Variants in SORCS3 observed in about 807,000 individuals in gnomAD.
SORCS3 encodes the protein VPS10 domain-containing receptor SorCS3.
In SORCS3, 57 loss-of-function variants were observed where a neutral mutation model predicts 146.3. That is an observed-to-expected ratio of 0.39 (90% confidence interval 0.31 to 0.49). SORCS3 has a LOEUF of 0.49. Among genes scored for constraint, SORCS3 ranks in the 20% least tolerant of loss-of-function variants. The probability of loss-of-function intolerance (pLI) is 0.92; values close to 1 mark genes in which losing one functional copy is unlikely to be tolerated. For synonymous variants in SORCS3, 653 were observed against 618.5 expected, an observed-to-expected ratio of 1.06 and a Z score of -0.83; for missense variants, 1,341 against 1,575.5, an observed-to-expected ratio of 0.85 and a Z score of 2.52.
intron 2 of SORCS3, among the ~76,000 whole-genome samples, chr10:104,908,100 A>G (rs934272884): frequency 6.6e-6 from 1 of 152,254 alleles, no homozygotes; most frequent in Admixed American, 6.5e-5. Flanking sequence ...ACCACACACC[A>G]GAGCACCTAA....
At chr10:104,911,947 A>G (rs756400858) in intron 2 of SORCS3, among the ~76,000 whole-genome samples, 3 of 152,244 alleles carry the variant, frequency 2.0e-5, no homozygotes, top group Non-Finnish European at 4.4e-5. Flanking sequence ...GAAACTTGTT[A>G]GATTAGTAAC....
intron 5 of SORCS3, among the ~76,000 whole-genome samples, chr10:105,085,288 G>A (rs996258477): frequency 1.1e-4 from 16 of 152,230 alleles, no homozygotes; most frequent in African/African-American, 3.4e-4. Flanking sequence ...GGTGGGCGGC[G>A]GCTTCCCTCT....
intron 18 of SORCS3, 41 bp downstream of exon 18, chr10:105,214,654 C>A: frequency 6.7e-7 from 1 of 1,498,196 alleles, no homozygotes; most frequent in Non-Finnish European, 9.0e-7. Context: ...AACTCCCAAC[C>A]AGACCATTCC....
At chr10:105,242,284 GTTTATATATATATTTATACATATA>G (rs1344541614) in intron 20 of SORCS3, among the ~76,000 whole-genome samples, 121 of 117,766 alleles carry the variant, frequency 1.0e-3, no homozygotes, top group East Asian at 2.7e-3. Flanking sequence ...TTATACATAT[GTTTATATATATATTTATACATATA>G]TTTATATATA....
At chr10:105,185,920 T>C (rs1486731828) in intron 14 of SORCS3, among the ~76,000 whole-genome samples, 6 of 152,330 alleles carry the variant, frequency 3.9e-5, no homozygotes, top group East Asian at 1.9e-4. Context: ...CATGATTTTT[T>C]CTCTCAATAT....
chr10:104,882,447 G>C (rs931463080), intron 2 of SORCS3, among the ~76,000 whole-genome samples: 3 of 152,198 alleles, frequency 2.0e-5, no homozygotes, highest in African/African-American at 7.2e-5. Context: ...TATGAAGCAA[G>C]TATCCTTAGA....
At chr10:104,725,208 G>A (rs1189017450) in intron 1 of SORCS3, among the ~76,000 whole-genome samples, 1 of 152,234 alleles carries the variant, frequency 6.6e-6, no homozygotes, top group East Asian at 1.9e-4. Flanking sequence ...AGGACCCTCA[G>A]ATGCAGGTCT....
At chr10:105,047,265 G>A (rs1303791642) in intron 5 of SORCS3, among the ~76,000 whole-genome samples, 2 of 151,994 alleles carry the variant, frequency 1.3e-5, no homozygotes, top group African/African-American at 4.8e-5. Context: ...TCACAGGTGT[G>A]CTAGGCCTTC....
intron 1 of SORCS3, among the ~76,000 whole-genome samples, chr10:104,819,272 G>A (rs1589511316): frequency 6.6e-6 from 1 of 152,136 alleles, no homozygotes; most frequent in Non-Finnish European, 1.5e-5. Context: ...CAGGGTCTGT[G>A]TTTTTAAGTA....
rs570911732 is a variant in SORCS3, at chr10:105,005,555, C to T, written c.954+28062C>T. ...GTAGTGGGGGGAGGAGGAATAATAG[C>T]AGGGGTAGAATTATATACAAGATGG... On this transcript the variant is annotated intron_variant, in intron 4 of 26. Transcript: ENST00000369701. 2.1e-3 allele frequency among the ~76,000 whole-genome samples: 322 copies of T among 152,162 alleles called. 2 individuals are homozygous for T. Among genetic ancestry groups the T allele is most frequent in the African/African-American group, 7.3e-3 (303 of 41,510 alleles).
intron 1 of SORCS3, among the ~76,000 whole-genome samples, chr10:104,695,802 G>C (rs543885719): frequency 6.7e-6 from 1 of 150,312 alleles, no homozygotes; most frequent in South Asian, 2.1e-4. Flanking sequence ...TTTAATATTT[G>C]TGCATAATAC....
At chr10:104,948,961 A>T (rs979083079) in intron 3 of SORCS3, among the ~76,000 whole-genome samples, 1 of 152,186 alleles carries the variant, frequency 6.6e-6, no homozygotes, top group African/African-American at 2.4e-5. Flanking sequence ...GCCCAAGCCA[A>T]TTCAAGCCAA....
intron 5 of SORCS3, among the ~76,000 whole-genome samples, chr10:105,071,833 C>T (rs780092533): frequency 1.2e-4 from 19 of 152,072 alleles, no homozygotes; most frequent in Admixed American, 3.3e-4. Flanking sequence ...GATGAGGAAA[C>T]GAAGGCTTAA....
chr10:104,891,874 A>G (rs2018752962), intron 2 of SORCS3, among the ~76,000 whole-genome samples: 1 of 152,208 alleles, frequency 6.6e-6, no homozygotes, highest in Admixed American at 6.5e-5. Flanking sequence ...ACACACTATG[A>G]CTGGCACCTC....
At chr10:104,692,987 AT>A (rs1203057011) in intron 1 of SORCS3, among the ~76,000 whole-genome samples, 1 of 152,140 alleles carries the variant, frequency 6.6e-6, no homozygotes, top group Non-Finnish European at 1.5e-5. Flanking sequence ...TTTACTTTTG[AT>A]GGGAGTCCGT....
chr10:105,051,157 T>C (rs948606790), intron 5 of SORCS3, among the ~76,000 whole-genome samples: 3 of 152,198 alleles, frequency 2.0e-5, no homozygotes, highest in Admixed American at 6.6e-5. Flanking sequence ...AATATCTGTG[T>C]ATGTACATAT....
chr10:104,733,108 C>G (rs1056066492), intron 1 of SORCS3, among the ~76,000 whole-genome samples: 2 of 152,094 alleles, frequency 1.3e-5, no homozygotes, highest in Admixed American at 6.5e-5. Flanking sequence ...AATAATAACC[C>G]GTGAACTTAC....
intron 3 of SORCS3, among the ~76,000 whole-genome samples, chr10:104,975,474 G>T (rs1016301260): frequency 4.6e-5 from 7 of 152,154 alleles, no homozygotes; most frequent in African/African-American, 1.7e-4. Flanking sequence ...TCATGAAAAT[G>T]GCCATACTGC....
chr10:104,873,164 G>T (rs2018536050), intron 2 of SORCS3, among the ~76,000 whole-genome samples: 1 of 152,200 alleles, frequency 6.6e-6, no homozygotes, highest in African/African-American at 2.4e-5. Flanking sequence ...TTCAAAGCTG[G>T]CAGAAAATAG....
Sources: allele counts gnomAD v4.1 joint callset (sites outside exome capture counted in the v4.1 genomes callset), GRCh38; gene constraint gnomAD v4.1.1; transcripts MANE v1.5; gene names NCBI Gene and HGNC (gene_info 2026-07-23, HGNC 2026-07-21).